Variants in RGS17 observed in about 807,000 individuals in gnomAD.
RGS17 encodes regulator of G protein signaling 17.
A neutral mutation model predicts 25.5 loss-of-function variants in RGS17; 12 were observed. That is an observed-to-expected ratio of 0.47 (90% CI 0.30 to 0.76). RGS17 has a LOEUF of 0.76. Among genes scored for constraint, RGS17 ranks in the 30% least tolerant of loss-of-function variants. The pLI is 0.07. For synonymous variants in RGS17, 71 were observed against 76.9 expected (o/e 0.92, Z 0.40); for missense variants, 196 against 242.2 (o/e 0.81, Z 1.27).
intron 1 of RGS17, among the ~76,000 whole-genome samples, chr6:153,064,937 A>T (rs1313319800): frequency 6.6e-6 from 1 of 152,178 alleles, no homozygotes; most frequent in East Asian, 1.9e-4. Context: ...AAATGGCAAG[A>T]GTAAATCCTT....
At chr6:153,043,838 T>C in intron 2 of RGS17, 62 bp downstream of exon 2, 1 of 948,378 alleles carries the variant, frequency 1.1e-6, no homozygotes, top group African/African-American at 1.7e-5. Context: ...AGATTTGGCA[T>C]GCATGTTCAC....
intron 2 of RGS17, among the ~76,000 whole-genome samples, chr6:153,041,515 T>C (rs1776320636): frequency 6.6e-6 from 1 of 151,838 alleles, no homozygotes; most frequent in Non-Finnish European, 1.5e-5. Flanking sequence ...ATGTGTCCTT[T>C]AAAAATTGAT....
At chr6:153,032,781 G>A (rs1374898862) in intron 2 of RGS17, among the ~76,000 whole-genome samples, 1 of 118,948 alleles carries the variant, frequency 8.4e-6, no homozygotes, top group Non-Finnish European at 1.8e-5. Context: ...CCGGCCCAAA[G>A]TCATTTGATT....
chr6:153,111,655 T>C (rs960909845), intron 1 of RGS17, among the ~76,000 whole-genome samples: 6 of 152,158 alleles, frequency 3.9e-5, no homozygotes, highest in Non-Finnish European at 8.8e-5. Context: ...GGGAGACACC[T>C]CCCAGCAGGG....
chr6:153,052,413 A>G (rs962011478), intron 1 of RGS17, among the ~76,000 whole-genome samples: 6 of 152,156 alleles, frequency 3.9e-5, no homozygotes, highest in African/African-American at 1.4e-4. Context: ...TGAAATGGGG[A>G]TATCTATTCT....
At chr6:153,043,109 C>A (rs959433710) in intron 2 of RGS17, among the ~76,000 whole-genome samples, 1 of 152,202 alleles carries the variant, frequency 6.6e-6, no homozygotes, top group African/African-American at 2.4e-5. Flanking sequence ...CGAGCAGGTT[C>A]TCTGAGCTCC....
chr6:153,048,061 A>T (rs1243792835), intron 1 of RGS17, among the ~76,000 whole-genome samples: 4 of 152,166 alleles, frequency 2.6e-5, no homozygotes, highest in Non-Finnish European at 5.9e-5. Context: ...TTCTGCACAA[A>T]ATCCTCAAAT....
At chr6:153,092,152 A>C (rs532937715) in intron 1 of RGS17, among the ~76,000 whole-genome samples, 25 of 152,326 alleles carry the variant, frequency 1.6e-4, no homozygotes, top group African/African-American at 6.0e-4. Flanking sequence ...TGTCTTTTAA[A>C]AATATAGACA....
intron 2 of RGS17, among the ~76,000 whole-genome samples, chr6:153,037,563 T>C (rs978552988): frequency 1.3e-5 from 2 of 151,892 alleles, no homozygotes; most frequent in African/African-American, 4.8e-5. Context: ...GTAGCTGGGA[T>C]TACAGGCGCA....
intron 4 of RGS17, among the ~76,000 whole-genome samples, chr6:153,012,947 G>A (rs1392393904): frequency 6.6e-6 from 1 of 152,112 alleles, no homozygotes; most frequent in Non-Finnish European, 1.5e-5. Context: ...GATTTGGGTT[G>A]ATTGCTACAC....
intron 1 of RGS17, among the ~76,000 whole-genome samples, chr6:153,071,626 G>A (rs1466379507): frequency 6.6e-6 from 1 of 152,074 alleles, no homozygotes; most frequent in Non-Finnish European, 1.5e-5. Context: ...GTGTCAAATT[G>A]CTATAAAGGT....
intron 1 of RGS17, among the ~76,000 whole-genome samples, chr6:153,127,964 T>C (rs145550638): frequency 6.6e-6 from 1 of 152,216 alleles, no homozygotes; most frequent in Non-Finnish European, 1.5e-5. Context: ...GCTGGCACAA[T>C]AGCAGGAATG....
chr6:153,102,394 G>C (rs562808043), intron 1 of RGS17, among the ~76,000 whole-genome samples: 1 of 152,250 alleles, frequency 6.6e-6, no homozygotes, highest in East Asian at 1.9e-4. Flanking sequence ...AATGTGATTT[G>C]GACTATGCAG....
Position 153,054,043 on chromosome 6 carries a change from G to T in RGS17, c.-25-10000C>A, listed in dbSNP as rs1409891048. Among the ~76,000 whole-genome samples, 41 of 41,704 alleles carry T rather than the reference G, an allele frequency of 9.8e-4. 4 individuals are homozygous for T. Among genetic ancestry groups the T allele is most frequent in the African/African-American group, 1.5e-3 (13 of 8,580 alleles). The allele number at this position is 41,704 out of a possible 152,430, so 27.4% of individuals were successfully genotyped here. A position where few individuals can be genotyped will look rare whatever the true frequency, so the allele number is the denominator to read the frequency against. ...GTATATAATATATATACATATATATGTATATATGTATATAATATATATACA... is the reference window on the plus strand; with the variant it reads ...GTATATAATATATATACATATATATTTATATATGTATATAATATATATACA... On this transcript the variant is annotated intron_variant, in intron 1 of 4. Transcript: ENST00000206262.
intron 1 of RGS17, among the ~76,000 whole-genome samples, chr6:153,102,371 T>C (rs1028699338): frequency 6.6e-6 from 1 of 152,230 alleles, no homozygotes; most frequent in Non-Finnish European, 1.5e-5. Flanking sequence ...TCTAGAGTTG[T>C]CACATTCTTA....
chr6:153,063,322 G>C (rs1776664265), intron 1 of RGS17, among the ~76,000 whole-genome samples: 2 of 152,102 alleles, frequency 1.3e-5, no homozygotes, highest in South Asian at 4.1e-4. Flanking sequence ...GAAACCCAAA[G>C]AAATTCAAGA....
intron 1 of RGS17, among the ~76,000 whole-genome samples, chr6:153,049,955 T>G (rs1776440430): frequency 6.6e-6 from 1 of 152,120 alleles, no homozygotes; most frequent in Non-Finnish European, 1.5e-5. Flanking sequence ...AACAGATATG[T>G]AGATCAAAAT....
chr6:153,033,612 G>A (rs1056557055), intron 2 of RGS17, among the ~76,000 whole-genome samples: 2 of 152,140 alleles, frequency 1.3e-5, no homozygotes, highest in African/African-American at 2.4e-5. Context: ...CAGCTACTCA[G>A]GAGGCTGAGG....
intron 1 of RGS17, among the ~76,000 whole-genome samples, chr6:153,108,900 A>T (rs756221260): frequency 4.0e-5 from 6 of 151,802 alleles, no homozygotes; most frequent in Non-Finnish European, 8.8e-5. Flanking sequence ...CAATTAAAAA[A>T]ACCTCAAAGA....
Sources: gnomAD v4.1 joint callset for allele counts (sites outside exome capture counted in the v4.1 genomes callset) on GRCh38, gnomAD v4.1.1 for gene constraint, MANE v1.5 for transcripts, NCBI Gene and HGNC (gene_info 2026-07-23, HGNC 2026-07-21) for gene names.